Variants in BRI3BP observed in about 807,000 individuals in gnomAD.
BRI3BP encodes BRI3 binding protein.
BRI3BP carries 7 observed loss-of-function variants against 15.8 expected under a neutral mutation model. That is an observed-to-expected ratio of 0.44 (90% CI 0.25 to 0.83). BRI3BP has a LOEUF of 0.83. Among genes scored for constraint, BRI3BP ranks in the 40% least tolerant of loss-of-function variants. The pLI is 0.20. For missense variants in BRI3BP, 320 were observed against 339.3 expected (o/e 0.94, Z 0.45); for synonymous variants, 192 against 163.5 (o/e 1.17, Z -1.33).
intron 1 of BRI3BP, among the ~76,000 whole-genome samples, chr12:125,005,960 G>A (rs927596397): frequency 3.3e-5 from 5 of 152,086 alleles, no homozygotes; most frequent in Middle Eastern, 3.2e-3. Flanking sequence ...ATCTGAGCTC[G>A]AGGTGCCAGG....
intron 1 of BRI3BP, among the ~76,000 whole-genome samples, chr12:125,007,633 T>TGCTTGAAC (rs1301215350): frequency 1.3e-5 from 2 of 151,670 alleles, no homozygotes; most frequent in Non-Finnish European, 2.9e-5. Context: ...GTGGGAGGAT[T>TGCTTGAAC]GCTTGAACCC....
chr12:125,019,953 C>CTTTTT (rs71092263), intron 2 of BRI3BP, among the ~76,000 whole-genome samples: 42 of 75,026 alleles, frequency 5.6e-4, no homozygotes, highest in Non-Finnish European at 6.9e-4. Context: ...CAACAACAGA[C>CTTTTT]TTTTTTTTTT....
intron 2 of BRI3BP, among the ~76,000 whole-genome samples, chr12:125,014,763 A>T (rs548225036): frequency 2.0e-5 from 3 of 152,286 alleles, no homozygotes; most frequent in East Asian, 1.9e-4. Context: ...CACCTGGCAC[A>T]AAGAGGCCCT....
downstream of BRI3BP, among the ~76,000 whole-genome samples, chr12:125,036,218 CTACA>C (rs1955439566): frequency 3.5e-5 from 3 of 85,086 alleles, no homozygotes. Flanking sequence ...ACACACACCA[CTACA>C]CCTGGCTAAT....
intron 2 of BRI3BP, among the ~76,000 whole-genome samples, chr12:125,022,968 T>C (rs1269922217): frequency 6.6e-6 from 1 of 152,224 alleles, no homozygotes; most frequent in African/African-American, 2.4e-5. Context: ...ACATTCAGAA[T>C]TTTTAATAAT....
At chr12:125,022,079 TAAAAAAAAA>T (rs57327862) in intron 2 of BRI3BP, among the ~76,000 whole-genome samples, 13 of 129,314 alleles carry the variant, frequency 1.0e-4, no homozygotes, top group Non-Finnish European at 1.4e-4. Flanking sequence ...GACCCTGTCT[TAAAAAAAAA>T]AAAAAAAAAA....
chr12:125,043,318 C>T, the BRI3BP span, among the ~76,000 whole-genome samples: 16 of 152,138 alleles, frequency 1.1e-4, no homozygotes. Context: ...GTCTGCTGCT[C>T]AACGTCTACC....
rs1312253752 is a variant in BRI3BP, at chr12:125,028,187, CA to C, written c.*2758del. ...CTAAAACAGCTTTGCTTATGTTGGC[CA>C]GGGGAAAACATGGCATTCTGTGCGC... On this transcript the variant is annotated 3_prime_UTR_variant, in exon 3 of 3. Transcript: ENST00000341446. The C allele has an allele frequency of 1.3e-5, 2 of 152,204 alleles. No individual in the cohort carries two copies. The highest frequency in any genetic ancestry group is 4.8e-5 in the African/African-American group (2 of 41,446). 9.4% of individuals were successfully genotyped at this position (152,204 alleles called of 1,614,324 possible). A position where few individuals can be genotyped will look rare whatever the true frequency, so the allele number is the denominator to read the frequency against.
chr12:125,040,566 C>A, the BRI3BP span, among the ~76,000 whole-genome samples: 1 of 150,872 alleles, frequency 6.6e-6, no homozygotes, highest in Non-Finnish European at 1.5e-5. Context: ...TGGTCTTGCA[C>A]CCCCGACTTC....
At position 125,025,626 on chromosome 12, in the gene BRI3BP, G is replaced by GAACT. The variant is rs1565907584; in HGVS notation, c.*198_*201dup. 1 of 577,766 alleles carries GAACT rather than the reference G, an allele frequency of 1.7e-6. No homozygotes were observed. The highest frequency in any genetic ancestry group is 3.0e-6 in the Non-Finnish European group (1 of 337,060). 35.8% of individuals were successfully genotyped at this position (577,766 alleles called of 1,614,324 possible). On this transcript the variant is annotated 3_prime_UTR_variant, in exon 3 of 3. Transcript: ENST00000341446. Reference sequence around the variant, plus strand: ...GAAGAGCGGAAAGATCATTGACGTGGAACTACACACGAAGTGTAATTAGTG... The same window carrying GAACT: ...GAAGAGCGGAAAGATCATTGACGTGGAACTAACTACACACGAAGTGTAATTAGTG...
intron 1 of BRI3BP, among the ~76,000 whole-genome samples, chr12:125,004,662 T>G (rs532842767): frequency 5.3e-5 from 8 of 152,226 alleles, no homozygotes; most frequent in African/African-American, 1.7e-4. Flanking sequence ...GGTACATCAA[T>G]TATTCGCTGA....
intron 1 of BRI3BP, among the ~76,000 whole-genome samples, chr12:125,006,197 C>G (rs376088800): frequency 0.039 from 5,975 of 152,216 alleles, 245 homozygotes; most frequent in Admixed American, 0.13. Context: ...GGGTTTAGGG[C>G]TTCCACATAA....
Position 125,027,753 on chromosome 12 carries a change from T to G in BRI3BP, c.*2323T>G, listed in dbSNP as rs1156646405. 6.6e-6 allele frequency: 1 copy of G among 151,760 alleles called. No homozygotes were observed. The highest frequency in any genetic ancestry group is 1.5e-5 in the Non-Finnish European group (1 of 67,968). The allele number at this position is 151,760 out of a possible 1,614,324, so 9.4% of individuals were successfully genotyped here. ...ACCAGGCTGGAGTGCAGTGGCACCA[T>G]CTCGGCTCACTGCAAGCTCCGCCTC... On this transcript the variant is annotated 3_prime_UTR_variant, in exon 3 of 3. Coordinates refer to ENST00000341446, the MANE Select transcript of BRI3BP (RefSeq NM_080626.6).
chr12:125,025,137 G>T lies in BRI3BP; in HGVS notation c.463G>T (p.Gly155Cys). 6.2e-7 allele frequency: 1 copy of T among 1,614,022 alleles called. No individual in the cohort carries two copies. The highest frequency in any genetic ancestry group is 8.5e-7 in the Non-Finnish European group (1 of 1,180,014). ...TTTCAGCGTCCTGCACGTGGTGTTC[G>T]GCCGCTTCTTCTGGATCGTGCGGGT... ...FTFSVLHVVF[G>C]RFFWIVRVVL... The change falls in exon 3 of 3, where the codon GGC becomes TGC. Residue 155 changes from glycine to cysteine, a missense_variant. Gly to Cys is a radical substitution (Grantham distance 159, BLOSUM62 -3). Coordinates refer to ENST00000341446, the MANE Select transcript of BRI3BP (RefSeq NM_080626.6).
chr12:125,048,130 T>C, the BRI3BP span, among the ~76,000 whole-genome samples: 7 of 152,100 alleles, frequency 4.6e-5, no homozygotes, highest in African/African-American at 1.2e-4. Context: ...TCTGGACAGA[T>C]TGAAAGACTA....
chr12:125,050,652 C>T, the BRI3BP span, among the ~76,000 whole-genome samples: 1 of 152,242 alleles, frequency 6.6e-6, no homozygotes, highest in African/African-American at 2.4e-5. Context: ...GCCCGGCGGT[C>T]ATGGCGCTTG....
intron 1 of BRI3BP, among the ~76,000 whole-genome samples, chr12:125,000,307 GAT>G (rs1491475172): frequency 2.9e-4 from 32 of 110,550 alleles, no homozygotes; most frequent in African/African-American, 1.0e-3. Flanking sequence ...AGTTTCATAT[GAT>G]TTTTTTTTTT....
At chr12:125,049,504 C>G in the BRI3BP span, among the ~76,000 whole-genome samples, 1 of 152,064 alleles carries the variant, frequency 6.6e-6, no homozygotes, top group East Asian at 1.9e-4. Context: ...GGTCGTGACC[C>G]CCTGGAGTCT....
chr12:125,047,683 T>C, the BRI3BP span, among the ~76,000 whole-genome samples: 4 of 152,032 alleles, frequency 2.6e-5, no homozygotes, highest in East Asian at 7.7e-4. Context: ...GCCCGTTTTA[T>C]ACAGCTTTGA....
Sources: gnomAD v4.1 joint callset for allele counts (sites outside exome capture counted in the v4.1 genomes callset) on GRCh38, gnomAD v4.1.1 for gene constraint, MANE v1.5 for transcripts, NCBI Gene and HGNC (gene_info 2026-07-23, HGNC 2026-07-21) for gene names.